FBN1: variants seen among roughly 807,000 people sequenced by gnomAD.
FBN1 encodes fibrillin 1, also known as fibrillin-1.
In FBN1, 29 loss-of-function variants were observed where a neutral mutation model predicts 365.1. The ratio of observed to expected loss-of-function variants is 0.08; its 90% confidence interval spans 0.06 to 0.11. The LOEUF (loss-of-function observed/expected upper bound fraction) is 0.11. FBN1 is among the 10% of genes least tolerant of loss of function. The probability of loss-of-function intolerance (pLI) is 1.00; values close to 1 mark genes in which losing one functional copy is unlikely to be tolerated. For synonymous variants in FBN1, 1,210 were observed against 1,270.5 expected, an observed-to-expected ratio of 0.95 and a Z score of 1.01; for missense variants, 2,476 against 3,703.2, an observed-to-expected ratio of 0.67 and a Z score of 8.60.
intron 13 of FBN1, among the ~76,000 whole-genome samples, chr15:48,513,152 C>T (rs570492449): frequency 1.3e-5 from 2 of 152,224 alleles, no homozygotes; most frequent in East Asian, 3.9e-4. Context: ...GCAGCAAGGG[C>T]TTAGAGTGAC....
intron 46 of FBN1, among the ~76,000 whole-genome samples, chr15:48,447,076 C>T (rs1037516872): frequency 1.8e-4 from 28 of 152,206 alleles, no homozygotes; most frequent in African/African-American, 6.3e-4. Context: ...GAGACCTGAA[C>T]AAGAATTATT....
rs921641351 is a variant in FBN1 at position 48,503,726 on chromosome 15, C to A, written c.2113+61G>T. ...ATCTTCCCTGTGAATTCCACAAATG[C>A]AAAGACCTCAATGGTGGCAGAAGGC... On this transcript the variant is annotated intron_variant, in intron 17 of 65. Transcript: ENST00000316623. 3.7e-6 allele frequency: 6 copies of A among 1,606,750 alleles called. No homozygotes were observed. The African/African-American group carries it at 8.0e-5, about 21-fold the overall frequency.
chr15:48,553,490 T>C (rs1461355733), intron 6 of FBN1, among the ~76,000 whole-genome samples: 1 of 152,188 alleles, frequency 6.6e-6, no homozygotes, highest in Non-Finnish European at 1.5e-5. Context: ...ATTCAACCTT[T>C]AAATAGGGTA....
At chr15:48,612,914 A>G in intron 3 of FBN1, 96 bp downstream of exon 3, 1 of 892,538 alleles carries the variant, frequency 1.1e-6, no homozygotes, top group South Asian at 1.3e-5. Flanking sequence ...CAACAGATTA[A>G]TAGTACAGTT....
intron 46 of FBN1, among the ~76,000 whole-genome samples, chr15:48,447,858 C>G (rs565684283): frequency 6.6e-5 from 10 of 152,252 alleles, no homozygotes; most frequent in African/African-American, 2.4e-4. Context: ...TGAGTCATTG[C>G]TAGTAATCAA....
At chr15:48,499,100 T>C in intron 17 of FBN1, 62 bp from the exon 18 acceptor site, 1 of 1,544,792 alleles carries the variant, frequency 6.5e-7, no homozygotes, top group Non-Finnish European at 9.0e-7. Flanking sequence ...GATCCTGCCC[T>C]TGGTTTTGCA....
At chr15:48,599,334 A>G (rs2044542070) in intron 5 of FBN1, among the ~76,000 whole-genome samples, 1 of 152,242 alleles carries the variant, frequency 6.6e-6, no homozygotes, top group Admixed American at 6.5e-5. Context: ...GTATTTTAAA[A>G]TGTGTAATGA....
At chr15:48,567,287 T>C (rs997369900) in intron 6 of FBN1, among the ~76,000 whole-genome samples, 2 of 152,224 alleles carry the variant, frequency 1.3e-5, no homozygotes, top group African/African-American at 4.8e-5. Context: ...TATATTTTTG[T>C]ATGACTTTTC....
chr15:48,633,827 T>C (rs184110198), intron 2 of FBN1, among the ~76,000 whole-genome samples: 1 of 152,278 alleles, frequency 6.6e-6, no homozygotes, highest in African/African-American at 2.4e-5. Flanking sequence ...AGGCCCAATC[T>C]ATTACCCAAC....
intron 6 of FBN1, among the ~76,000 whole-genome samples, chr15:48,581,875 G>C (rs2044394880): frequency 6.6e-6 from 1 of 152,096 alleles, no homozygotes; most frequent in African/African-American, 2.4e-5. Flanking sequence ...GAAGACATAA[G>C]TCTCATTCCT....
chr15:48,583,455 G>C (rs1034524455), intron 6 of FBN1, among the ~76,000 whole-genome samples: 1 of 152,150 alleles, frequency 6.6e-6, no homozygotes, highest in African/African-American at 2.4e-5. Flanking sequence ...CATCCAACCT[G>C]ACCAGGCCGT....
At chr15:48,460,430 G>A in intron 42 of FBN1, 113 bp from the exon 43 acceptor site, 1 of 717,036 alleles carries the variant, frequency 1.4e-6, no homozygotes, top group Non-Finnish European at 2.5e-6. Flanking sequence ...TCTGTAGTTT[G>A]AAGAATTTAA....
intron 6 of FBN1, among the ~76,000 whole-genome samples, chr15:48,550,993 G>GAAT (rs34820898): frequency 0.12 from 17,757 of 151,950 alleles, 1,164 homozygotes; most frequent in Non-Finnish European, 0.14. Flanking sequence ...ATGAATGAAT[G>GAAT]GAGGATGCAA....
chr15:48,533,284 C>T (rs1159274181), intron 8 of FBN1, among the ~76,000 whole-genome samples: 1 of 152,002 alleles, frequency 6.6e-6, no homozygotes, highest in Admixed American at 6.6e-5. Context: ...GAGATGTAGC[C>T]CTGAGAATGC....
intron 6 of FBN1, among the ~76,000 whole-genome samples, chr15:48,579,349 A>G (rs1322310548): frequency 6.6e-6 from 1 of 152,218 alleles, no homozygotes; most frequent in Non-Finnish European, 1.5e-5. Flanking sequence ...ATGAAGCAAA[A>G]CAGTTATATA....
intron 3 of FBN1, 91 bp from the exon 4 acceptor site, chr15:48,610,917 C>T: frequency 9.6e-7 from 1 of 1,042,722 alleles, no homozygotes; most frequent in Admixed American, 1.9e-5. Flanking sequence ...CCTGGGTTCT[C>T]AGGTCCCTCA....
intron 19 of FBN1, among the ~76,000 whole-genome samples, chr15:48,497,028 AT>A (rs1437138000): frequency 6.7e-6 from 1 of 150,008 alleles, no homozygotes; most frequent in South Asian, 2.1e-4. Flanking sequence ...ATACATCATT[AT>A]TTTAAGGAGC....
chr15:48,444,486 T>G, intron 49 of FBN1, 55 bp downstream of exon 49: 1 of 1,605,996 alleles, frequency 6.2e-7, no homozygotes, highest in East Asian at 2.2e-5. Flanking sequence ...CTCATTCTGC[T>G]AAGTCCAGTG....
At chr15:48,555,086 T>C (rs1019991427) in intron 6 of FBN1, among the ~76,000 whole-genome samples, 7 of 152,188 alleles carry the variant, frequency 4.6e-5, no homozygotes, top group Admixed American at 4.6e-4. Flanking sequence ...GTATGTTCTA[T>C]TTAAACATGG....
Sources: gnomAD v4.1 joint callset for allele counts (sites outside exome capture counted in the v4.1 genomes callset) on GRCh38, gnomAD v4.1.1 for gene constraint, MANE v1.5 for transcripts, NCBI Gene and HGNC (gene_info 2026-07-23, HGNC 2026-07-21) for gene names.